The following CUX2 variants were observed in gnomAD, a reference collection of about 807,000 sequenced individuals.
CUX2 encodes homeobox protein cut-like 2.
A neutral mutation model predicts 144.8 loss-of-function variants in CUX2; 40 were observed. That is an observed-to-expected ratio of 0.28 (90% CI 0.21 to 0.36). The LOEUF is 0.36. Ranked by LOEUF, CUX2 falls within the 10% of genes least tolerant of loss-of-function variation. The probability of loss-of-function intolerance (pLI) is 1.00; values close to 1 mark genes in which losing one functional copy is unlikely to be tolerated. For synonymous variants in CUX2, 827 were observed against 875.6 expected (o/e 0.94, Z 0.98); for missense variants, 1,615 against 1,994.0 (o/e 0.81, Z 3.62).
At position 111,172,552 on chromosome 12, in the gene CUX2, G is replaced by A. The variant is rs184640031; in HGVS notation, c.64-41648G>A. On this transcript the variant is annotated intron_variant, in intron 1 of 21. Coordinates refer to ENST00000261726, the MANE Select transcript of CUX2 (RefSeq NM_015267.4). ...GTCTTGATGGAAATGGCTCTATCTG[G>A]GGGACTCCGGGAGGGTGGTTCAGTG... Among the ~76,000 whole-genome samples the A allele has an allele frequency of 7.9e-4, 121 of 152,308 alleles. 1 individual carries two copies. The highest frequency in any genetic ancestry group is 2.6e-3 in the African/African-American group (110 of 41,566).
chr12:111,036,908 C>T (rs1409345612), intron 1 of CUX2, among the ~76,000 whole-genome samples: 1 of 140,208 alleles, frequency 7.1e-6, no homozygotes, highest in African/African-American at 2.6e-5. Flanking sequence ...CCCACCCCCA[C>T]CCCACCCCAT....
chr12:111,187,810 G>A (rs533266874), intron 1 of CUX2, among the ~76,000 whole-genome samples: 4 of 152,336 alleles, frequency 2.6e-5, no homozygotes, highest in East Asian at 1.9e-4. Context: ...GCCCACAGAT[G>A]TCTGTGCTGG....
chr12:111,259,781 G>A (rs568816451), intron 3 of CUX2, among the ~76,000 whole-genome samples: 1 of 138,958 alleles, frequency 7.2e-6, no homozygotes, highest in Non-Finnish European at 1.5e-5. Context: ...GTGACAAAGT[G>A]AGACTCTGTC....
intron 16 of CUX2, among the ~76,000 whole-genome samples, chr12:111,316,449 C>CT (rs35751838): frequency 0.28 from 31,360 of 113,272 alleles, 6,300 homozygotes; most frequent in East Asian, 0.79. Flanking sequence ...CCCGGCACTT[C>CT]TTTTTTTTTT....
chr12:111,076,713 C>T (rs139667722), intron 1 of CUX2, among the ~76,000 whole-genome samples: 129 of 152,352 alleles, frequency 8.5e-4, no homozygotes, highest in Middle Eastern at 3.4e-3. Flanking sequence ...CTTATATTTT[C>T]CCCTCCCAAG....
At chr12:111,296,589 C>CTGGG in intron 8 of CUX2, 50 bp downstream of exon 8, 1 of 1,524,692 alleles carries the variant, frequency 6.6e-7, no homozygotes, top group East Asian at 2.4e-5. Context: ...GCCTCCCAGA[C>CTGGG]AGGCCTCCTC....
At chr12:111,067,358 G>T (rs980316125) in intron 1 of CUX2, among the ~76,000 whole-genome samples, 1 of 152,206 alleles carries the variant, frequency 6.6e-6, no homozygotes, top group African/African-American at 2.4e-5. Context: ...AAGGAAGGAA[G>T]CCTGAAGGAA....
intron 3 of CUX2, among the ~76,000 whole-genome samples, chr12:111,248,380 T>G (rs1359593114): frequency 6.6e-6 from 1 of 152,118 alleles, no homozygotes; most frequent in Non-Finnish European, 1.5e-5. Context: ...CAAATGGCCT[T>G]TTTCTCCAAG....
chr12:111,187,550 C>T (rs1473018462), intron 1 of CUX2, among the ~76,000 whole-genome samples: 2 of 152,182 alleles, frequency 1.3e-5, no homozygotes, highest in Non-Finnish European at 2.9e-5. Context: ...TCATGTGGCT[C>T]ATAGGTTGGA....
chr12:111,100,181 C>CTGTGTGTG (rs71881537), intron 1 of CUX2: 2 of 388,204 alleles, frequency 5.2e-6, no homozygotes, highest in African/African-American at 2.1e-5. Flanking sequence ...GAGCCTGTGA[C>CTGTGTGTG]TGTGTGTGTG....
chr12:111,111,481 A>T (rs921289370), intron 1 of CUX2, among the ~76,000 whole-genome samples: 2 of 152,184 alleles, frequency 1.3e-5, no homozygotes, highest in Non-Finnish European at 2.9e-5. Context: ...CAAGGCCCAC[A>T]TTCAGTTGGA....
rs78005523 is a variant in CUX2, at chr12:111,304,558, T to C, written c.858+244T>C. 1.3e-3 allele frequency among the ~76,000 whole-genome samples: 203 copies of C among 152,326 alleles called. 1 individual carries two copies. The East Asian group carries it at 0.025, about 19-fold the overall frequency. ...TACTTTTCAAGCCCACGTTTCCATA[T>C]ACCCTTTATTACCAGGAGTTCCAGT... On this transcript the variant is annotated intron_variant, in intron 10 of 21. Coordinates refer to ENST00000261726, the MANE Select transcript of CUX2 (RefSeq NM_015267.4). This position sits in a 1 kb window ranked among gnomAD's most constrained non-coding sequence, Gnocchi z 4.7.
intron 1 of CUX2, among the ~76,000 whole-genome samples, chr12:111,095,954 G>A (rs1285907928): frequency 1.3e-5 from 2 of 152,190 alleles, no homozygotes; most frequent in South Asian, 2.1e-4. Context: ...CATCTGCTCC[G>A]TGCAGGAGCA....
chr12:111,189,610 G>T (rs1361693932), intron 1 of CUX2, among the ~76,000 whole-genome samples: 4 of 152,158 alleles, frequency 2.6e-5, no homozygotes, highest in African/African-American at 9.7e-5. Context: ...TGGGCATTTG[G>T]GTTGTTTCCA....
chr12:111,217,811 C>T, intron 2 of CUX2, 79 bp from the exon 3 acceptor site: 1 of 1,437,250 alleles, frequency 7.0e-7, no homozygotes, highest in Admixed American at 1.7e-5. Context: ...GAGCCAGGGA[C>T]AGCAGCGAGC....
At chr12:111,216,763 A>G (rs1881555950) in intron 2 of CUX2, among the ~76,000 whole-genome samples, 1 of 149,172 alleles carries the variant, frequency 6.7e-6, no homozygotes, top group Admixed American at 6.6e-5. Flanking sequence ...TCTCCCCTGA[A>G]GGTCCCCAAC....
chr12:111,174,579 T>C (rs1035351098), intron 1 of CUX2, among the ~76,000 whole-genome samples: 9 of 152,182 alleles, frequency 5.9e-5, no homozygotes, highest in South Asian at 2.1e-4. Context: ...CATCCAGTTT[T>C]CCAAATACCC....
At chr12:111,250,537 CAGTT>C (rs796950321) in intron 3 of CUX2, among the ~76,000 whole-genome samples, 8 of 152,320 alleles carry the variant, frequency 5.3e-5, no homozygotes, top group African/African-American at 1.7e-4. Context: ...TGATTATAAT[CAGTT>C]AGGCAGAAAA....
intron 1 of CUX2, among the ~76,000 whole-genome samples, chr12:111,140,598 C>G (rs1243693076): frequency 6.6e-6 from 1 of 152,168 alleles, no homozygotes; most frequent in Non-Finnish European, 1.5e-5. Flanking sequence ...TCCATTTACA[C>G]GCGAAACTGG....
Sources: allele counts gnomAD v4.1 joint callset (sites outside exome capture counted in the v4.1 genomes callset), GRCh38; gene constraint gnomAD v4.1.1; non-coding constraint Gnocchi (gnomAD v3.1); transcripts MANE v1.5; gene names NCBI Gene and HGNC (gene_info 2026-07-23, HGNC 2026-07-21).